The following C12orf60 variants were observed in gnomAD, a reference collection of about 807,000 sequenced individuals.
C12orf60 encodes chromosome 12 open reading frame 60, also known as uncharacterized protein C12orf60.
For missense variants in C12orf60, 284 were observed against 283.2 expected (o/e 1.00, Z -0.02); for synonymous variants, 102 against 94.6 (o/e 1.08, Z -0.45).
At position 14,822,976 on chromosome 12, in the gene C12orf60, A is replaced by C; in HGVS notation, c.41A>C (p.Gln14Pro). The C allele has an allele frequency of 1.9e-6, 3 of 1,605,992 alleles. No homozygotes were observed. The highest frequency in any genetic ancestry group is 2.6e-6 in the Non-Finnish European group (3 of 1,174,048). The stretch of plus-strand genomic sequence containing the variant: ...GAAAAGGATAAAGAGAGACTGATTC[A>C]AGCTGCCAAAATGTTCTTCTTTCAT... Reference protein sequence around the residue: ...ESEKDKERLIQAAKMFFFHVQ... With the variant: ...ESEKDKERLIPAAKMFFFHVQ... The change falls in exon 2 of 2, where the codon CAA (glutamine) becomes CCA (proline). Residue 14 changes from glutamine (Q) to proline (P), a missense_variant. Transcript: ENST00000330828.
intron 1 of C12orf60, chr12:14,806,434 CCTT>C (rs1565678450): frequency 6.2e-7 from 1 of 1,614,198 alleles, no homozygotes; most frequent in South Asian, 1.1e-5. Flanking sequence ...GCTTCATCAA[CCTT>C]CTGCAATTCC....
intron 1 of C12orf60, among the ~76,000 whole-genome samples, chr12:14,809,918 A>G (rs1184041200): frequency 6.6e-6 from 1 of 152,254 alleles, no homozygotes; most frequent in South Asian, 2.1e-4. Flanking sequence ...CAGTCTTACT[A>G]GAAATCAAAG....
chr12:14,808,791 T>C (rs967235310), intron 1 of C12orf60, among the ~76,000 whole-genome samples: 1 of 152,174 alleles, frequency 6.6e-6, no homozygotes, highest in African/African-American at 2.4e-5. Context: ...CATACACATA[T>C]ATACAGGCAT....
intron 1 of C12orf60, chr12:14,806,842 T>A: frequency 1.3e-6 from 1 of 780,474 alleles, no homozygotes; most frequent in Non-Finnish European, 2.0e-6. Context: ...CTCAACAAGT[T>A]TTTTTAAAAG....
At chr12:14,813,700 A>G (rs191335069) in intron 1 of C12orf60, among the ~76,000 whole-genome samples, 1 of 152,326 alleles carries the variant, frequency 6.6e-6, no homozygotes, top group Non-Finnish European at 1.5e-5. Context: ...TATAAGTACT[A>G]TACATTAACC....
At position 14,824,251 on chromosome 12, in the gene C12orf60, A is replaced by T. The variant is rs1289411986; in HGVS notation, c.*578A>T. On this transcript the variant is annotated 3_prime_UTR_variant, in exon 2 of 2. Coordinates refer to ENST00000330828, the MANE Select transcript of C12orf60 (RefSeq NM_175874.4). ...AGACCAGAACAGATAGTTCATTCTC[A>T]CTTGTCTCCTGAGGTCTTATGATTA... 1 of 152,204 alleles carries T rather than the reference A, an allele frequency of 6.6e-6. No homozygotes were observed. The highest frequency in any genetic ancestry group is 1.5e-5 in the Non-Finnish European group (1 of 68,038). 9.4% of individuals were successfully genotyped at this position (152,204 alleles called of 1,614,324 possible).
At chr12:14,809,060 T>C (rs556046835) in intron 1 of C12orf60, among the ~76,000 whole-genome samples, 1 of 152,338 alleles carries the variant, frequency 6.6e-6, no homozygotes, top group Non-Finnish European at 1.5e-5. Flanking sequence ...AGTTTCTGAC[T>C]GACAGGAGAA....
intron 1 of C12orf60, among the ~76,000 whole-genome samples, chr12:14,821,358 G>A (rs1950302337): frequency 6.6e-6 from 1 of 152,242 alleles, no homozygotes; most frequent in Admixed American, 6.5e-5. Flanking sequence ...AGTCAAGCAG[G>A]ACCTCTCTCC....
chr12:14,806,377 T>C, intron 1 of C12orf60: 1 of 1,614,256 alleles, frequency 6.2e-7, no homozygotes, highest in Non-Finnish European at 8.5e-7. Context: ...TTTTCCTTAA[T>C]ATCCTGAAGT....
intron 1 of C12orf60, among the ~76,000 whole-genome samples, chr12:14,822,105 T>TTGGGGGCAGACAGAGGGTGGGG (rs1950315135): frequency 9.3e-6 from 1 of 107,688 alleles, no homozygotes; most frequent in African/African-American, 3.7e-5. Flanking sequence ...TCACGACTAG[T>TTGGGGGCAGACAGAGGGTGGGG]TGGGGGCAGA....
At chr12:14,813,206 C>T (rs1477944613) in intron 1 of C12orf60, among the ~76,000 whole-genome samples, 1 of 152,168 alleles carries the variant, frequency 6.6e-6, no homozygotes, top group African/African-American at 2.4e-5. Flanking sequence ...AAACGTGACC[C>T]TGTCTAAACC....
At chr12:14,817,745 G>A (rs1316562253) in intron 1 of C12orf60, among the ~76,000 whole-genome samples, 4 of 152,228 alleles carry the variant, frequency 2.6e-5, no homozygotes, top group South Asian at 4.1e-4. Flanking sequence ...GGGCATTTGG[G>A]TTGGTTCCAT....
rs1388851854 is a variant in C12orf60 at position 14,821,192 on chromosome 12, G to T, written c.-24-1720G>T. Among the ~76,000 whole-genome samples the T allele has an allele frequency of 2.0e-5, 3 of 152,062 alleles. No individual in the cohort carries two copies. In the East Asian group the frequency reaches 5.8e-4, roughly 29 times the overall value. On this transcript the variant is annotated intron_variant, in intron 1 of 1. Transcript: ENST00000330828. ...TCAAGCCATCTTTTGAGTAATATAA[G>T]TAGTTACTTAAATAATTTTGAAATT...
chr12:14,816,607 C>A (rs1950222514), intron 1 of C12orf60, among the ~76,000 whole-genome samples: 1 of 152,158 alleles, frequency 6.6e-6, no homozygotes, highest in Non-Finnish European at 1.5e-5. Context: ...AATCTAGCTT[C>A]TGTACATATT....
chr12:14,817,480 C>T (rs1950239891), intron 1 of C12orf60, among the ~76,000 whole-genome samples: 2 of 152,208 alleles, frequency 1.3e-5, no homozygotes, highest in South Asian at 2.1e-4. Flanking sequence ...TCCCTCCCCT[C>T]GCCCCCCACT....
chr12:14,821,436 A>T (rs921031910), intron 1 of C12orf60, among the ~76,000 whole-genome samples: 1 of 152,112 alleles, frequency 6.6e-6, no homozygotes, highest in Non-Finnish European at 1.5e-5. Flanking sequence ...ACCATCCCTT[A>T]AGTTGGGGCC....
chr12:14,823,500 A>G lies in C12orf60; in HGVS notation c.565A>G (p.Lys189Glu), dbSNP rs756064497. The change falls in exon 2 of 2, where the codon AAA (lysine) becomes GAA (glutamate). Residue 189 changes from lysine (K) to glutamate (E), a missense_variant. Physicochemically the swap from Lys to Glu is moderately conservative, Grantham distance 56. Coordinates refer to ENST00000330828, the MANE Select transcript of C12orf60 (RefSeq NM_175874.4). ...CAAAACCACTATGATAGACACCTTG[A>G]AAAAACTGCAGGATGTACTAAAAAC... ...SSKTTMIDTL[K>E]KLQDVLKTED... is the part of the protein sequence containing the mutation. 2.5e-6 allele frequency: 4 copies of G among 1,612,940 alleles called. No homozygotes were observed. Among genetic ancestry groups the G allele is most frequent in the Non-Finnish European group, 3.4e-6 (4 of 1,179,772 alleles).
Position 14,823,290 on chromosome 12 carries a change from C to T in C12orf60, c.355C>T (p.His119Tyr). ...QSAKEVFKSA[H>Y]TPVIISVLNS... Reference sequence around the variant, plus strand: ...AGCTAAAGAAGTATTCAAAAGTGCCCATACGCCAGTCATCATCTCTGTGCT... The same window carrying T: ...AGCTAAAGAAGTATTCAAAAGTGCCTATACGCCAGTCATCATCTCTGTGCT... Residue 119 changes from histidine to tyrosine, a missense_variant, in exon 2 of 2, where the codon CAT becomes TAT. Coordinates refer to ENST00000330828, the MANE Select transcript of C12orf60 (RefSeq NM_175874.4). 1 of 1,614,074 alleles carries T rather than the reference C, an allele frequency of 6.2e-7. No homozygotes were observed.
At chr12:14,809,148 G>C (rs1241160983) in intron 1 of C12orf60, among the ~76,000 whole-genome samples, 1 of 152,160 alleles carries the variant, frequency 6.6e-6, no homozygotes, top group East Asian at 1.9e-4. Flanking sequence ...ATCTCTAGCA[G>C]CTATCATATG....
Sources: allele counts gnomAD v4.1 joint callset (sites outside exome capture counted in the v4.1 genomes callset), GRCh38; gene constraint gnomAD v4.1.1; transcripts MANE v1.5; gene names NCBI Gene and HGNC (gene_info 2026-07-23, HGNC 2026-07-21).